The following CCDC9B variants were observed in gnomAD, a reference collection of about 807,000 sequenced individuals.
The protein encoded by CCDC9B is coiled-coil domain containing 9B, also known as coiled-coil domain-containing protein 9B.
Under a neutral mutation model 47.2 loss-of-function variants are expected in CCDC9B, and 40 were observed. That is an observed-to-expected ratio of 0.85 (90% confidence interval 0.66 to 1.10). The LOEUF is 1.10. Ranked by LOEUF, CCDC9B falls within the 50% of genes least tolerant of loss-of-function variation. The probability of loss-of-function intolerance (pLI) is 0.00; values close to 1 mark genes in which losing one functional copy is unlikely to be tolerated. For missense variants in CCDC9B, 662 were observed against 651.0 expected (o/e 1.02, Z -0.18); for synonymous variants, 238 against 250.7 (o/e 0.95, Z 0.48).
Position 40,332,670 on chromosome 15 carries a change from T to A in CCDC9B, c.*2488A>T, listed in dbSNP as rs962038267. ...CAGCTGTACAGTTGGCAGCACTGGG[T>A]TGGGGAGCAGACTGTGAATCTTATA... On this transcript the variant is annotated 3_prime_UTR_variant, in exon 11 of 11. Transcript: ENST00000397536. 5 of 152,126 alleles carry A rather than the reference T, an allele frequency of 3.3e-5. No individual in the cohort carries two copies. Among genetic ancestry groups the A allele is most frequent in the Non-Finnish European group, 7.3e-5 (5 of 68,028 alleles). The allele number at this position is 152,126 out of a possible 1,614,324, so 9.4% of individuals were successfully genotyped here.
At position 40,335,476 on chromosome 15, in the gene CCDC9B, G is replaced by A; in HGVS notation, c.1155C>T (p.Ile385=). 6.3e-7 allele frequency: 1 copy of A among 1,594,618 alleles called. No homozygotes were observed. The highest frequency in any genetic ancestry group is 8.6e-7 in the Non-Finnish European group (1 of 1,169,328). ...PLDLSLGGAG[I]PGPRESGCVL... ...CACACCCGCTCTCCCTGGGCCCAGG[G>A]ATGCCAGCCCCTCCTAGGGAGAGGT... Residue 385 remains isoleucine (I), a synonymous_variant, in exon 11 of 11, where the codon ATC becomes ATT. Transcript: ENST00000397536.
At chr15:40,338,999 C>T (rs1889029060) in intron 3 of CCDC9B, 96 bp from the exon 4 acceptor site, 2 of 1,356,048 alleles carry the variant, frequency 1.5e-6, no homozygotes, top group South Asian at 1.2e-5. Context: ...GTTCCAACCC[C>T]AGCCCTCCCT....
At chr15:40,337,950 G>C in intron 5 of CCDC9B, 57 bp from the exon 6 acceptor site, 1 of 1,528,850 alleles carries the variant, frequency 6.5e-7, no homozygotes, top group Non-Finnish European at 8.9e-7. Context: ...CTTGGGGTGG[G>C]GTTTGGAGAC....
intron 7 of CCDC9B, 98 bp downstream of exon 7, chr15:40,337,290 C>T: frequency 2.5e-6 from 3 of 1,185,866 alleles, no homozygotes; most frequent in Non-Finnish European, 3.8e-6. Context: ...CCTTTCAGCT[C>T]TGAAAATAAG....
chr15:40,339,744 T>A, intron 2 of CCDC9B, 125 bp from the exon 3 acceptor site: 1 of 1,483,416 alleles, frequency 6.7e-7, no homozygotes, highest in Non-Finnish European at 9.1e-7. Context: ...ACATCACACA[T>A]CCCCAGGACC....
Position 40,334,129 on chromosome 15 carries a change from CTGGTAG to C in CCDC9B, c.*1023_*1028del, listed in dbSNP as rs1888908035. On this transcript the variant is annotated 3_prime_UTR_variant, in exon 11 of 11. Transcript: ENST00000397536. ...TCTCCGTCGCCTACCGGCTGGATTA[CTGGTAG>C]TGGGTGCTCAGGAAATGTTTGTTGA... 1 of 152,708 alleles carries C rather than the reference CTGGTAG, an allele frequency of 6.5e-6. No homozygotes were observed. Among genetic ancestry groups the C allele is most frequent in the Non-Finnish European group, 1.5e-5 (1 of 68,108 alleles). The allele number at this position is 152,708 out of a possible 1,614,324, so 9.5% of individuals were successfully genotyped here. A position where few individuals can be genotyped will look rare whatever the true frequency, so the allele number is the denominator to read the frequency against.
At position 40,333,330 on chromosome 15, in the gene CCDC9B, G is replaced by A. The variant is rs897678993; in HGVS notation, c.*1828C>T. The A allele has an allele frequency of 1.3e-5, 2 of 152,084 alleles. No individual in the cohort carries two copies. The highest frequency in any genetic ancestry group is 4.8e-5 in the African/African-American group (2 of 41,374). 9.4% of individuals were successfully genotyped at this position (152,084 alleles called of 1,614,324 possible). ...TGCCTGTAATCCCAGCAGTTTAGGA[G>A]GCCAAGGCGAGCAGATTGCTTGAGC... is the stretch of plus-strand genomic sequence containing the variant. On this transcript the variant is annotated 3_prime_UTR_variant, in exon 11 of 11. Coordinates refer to ENST00000397536, the MANE Select transcript of CCDC9B (RefSeq NM_207380.3).
intron 7 of CCDC9B, 193 bp downstream of exon 7, chr15:40,337,195 G>A: frequency 1.4e-6 from 1 of 719,916 alleles, no homozygotes; most frequent in Non-Finnish European, 2.5e-6. Flanking sequence ...CTGGACAAGA[G>A]CTGTGGGCTC....
intron 3 of CCDC9B, 57 bp downstream of exon 3, chr15:40,339,455 C>A: frequency 6.3e-7 from 1 of 1,575,106 alleles, no homozygotes; most frequent in Non-Finnish European, 8.7e-7. Flanking sequence ...CTTTCCCCGA[C>A]ATGGTCTGGG....
chr15:40,339,149 A>G (rs1889033009), intron 3 of CCDC9B: 1 of 608,672 alleles, frequency 1.6e-6, no homozygotes, highest in Non-Finnish European at 2.9e-6. Flanking sequence ...AGAGCACTCA[A>G]ACAATGGGTC....
chr15:40,336,608 G>T lies in CCDC9B; in HGVS notation c.853C>A (p.Arg285=). ...SVAPATGSKA[R]GKERLTGRAR... Reference sequence around the variant, plus strand: ...CTGCCAGTCAGCCTCTCCTTGCCCCGGGCTTTGCTGCCTGTGGCTGGTGCC... The same window carrying T: ...CTGCCAGTCAGCCTCTCCTTGCCCCTGGCTTTGCTGCCTGTGGCTGGTGCC... The change falls in exon 9 of 11, where the codon CGG becomes AGG. Residue 285 remains arginine, a synonymous_variant. Transcript: ENST00000397536. The T allele has an allele frequency of 3.1e-6, 5 of 1,612,830 alleles. No homozygotes were observed. The highest frequency in any genetic ancestry group is 4.2e-6 in the Non-Finnish European group (5 of 1,179,670).
chr15:40,336,803 G>C lies in CCDC9B; in HGVS notation c.753C>G (p.Ser251Arg). 4 of 1,593,722 alleles carry C rather than the reference G, an allele frequency of 2.5e-6. No homozygotes were observed. The highest frequency in any genetic ancestry group is 1.7e-4 in the Middle Eastern group (1 of 5,968). The change falls in exon 8 of 11, where the codon AGC becomes AGG. Residue 251 changes from serine (S) to arginine (R), a missense_variant. Coordinates refer to ENST00000397536, the MANE Select transcript of CCDC9B (RefSeq NM_207380.3). ...ATGGTGGGGGCTGTAGTTTCTGGTG[G>C]CTCCTGGGACCTGCGGGGGACAAAA... ...ARAGSRRGPRSHQKLQPPPLL... is the reference protein window; with the variant it reads ...ARAGSRRGPRRHQKLQPPPLL...
rs372966989 is a variant in CCDC9B, at chr15:40,337,383, C to G, written c.742+5G>C. 11 of 1,612,078 alleles carry G rather than the reference C, an allele frequency of 6.8e-6. No individual in the cohort carries two copies. Among genetic ancestry groups the G allele is most frequent in the Non-Finnish European group, 9.3e-6 (11 of 1,178,852 alleles). ...AGGGGAGGGATGAGGTAGGTGTGGG[C>G]TCACCCCTTCTGCTGCCTGCCCTGG... On this transcript the variant is annotated splice_donor_5th_base_variant and intron_variant, in intron 7 of 10. Coordinates refer to ENST00000397536, the MANE Select transcript of CCDC9B (RefSeq NM_207380.3).
At position 40,337,452 on chromosome 15, in the gene CCDC9B, T is replaced by C. The variant is rs756189422; in HGVS notation, c.684-6A>G. On this transcript the variant is annotated splice_polypyrimidine_tract_variant and splice_region_variant and intron_variant, in intron 6 of 10. Transcript: ENST00000397536. ...GCTGGCTGCAGTCCTGTAGCCTGTG[T>C]AGACAGAGGGAGTCAGGTTGCTGGT... 1.9e-6 allele frequency: 3 copies of C among 1,557,380 alleles called. No homozygotes were observed. Among genetic ancestry groups the C allele is most frequent in the African/African-American group, 1.4e-5 (1 of 72,884 alleles).
Position 40,339,551 on chromosome 15 carries a change from C to G in CCDC9B, c.192G>C (p.Gln64His), listed in dbSNP as rs1889042162. Residue 64 changes from glutamine (Q) to histidine (H), a missense_variant, in exon 3 of 11, where the codon CAG becomes CAC. Gln to His is a conservative substitution (Grantham distance 24, BLOSUM62 0). Transcript: ENST00000397536. Reference sequence around the variant, plus strand: ...TGATGGTAACGGTGAGGCCATCAGGCTGGAGGAGTGCTGGTGTGGTCACAG... The same window carrying G: ...TGATGGTAACGGTGAGGCCATCAGGGTGGAGGAGTGCTGGTGTGGTCACAG... ...GMAVTTPALL[Q>H]PDGLTVTISQ... 6.2e-7 allele frequency: 1 copy of G among 1,612,706 alleles called. No homozygotes were observed. The highest frequency in any genetic ancestry group is 1.3e-5 in the African/African-American group (1 of 74,882).
In CCDC9B at chr15:40,337,157, C is replaced by T; in HGVS notation, c.742+231G>A. ...AGACCCCGGGCCGGCTTCCACTGAG[C>T]CTCCTTCTGGGGCCTTCTGCTCAGA... On this transcript the variant is annotated intron_variant, in intron 7 of 10. Coordinates refer to ENST00000397536, the MANE Select transcript of CCDC9B (RefSeq NM_207380.3). 4.6e-6 allele frequency: 3 copies of T among 658,216 alleles called. No individual in the cohort carries two copies. The East Asian group carries it at 8.1e-5, about 18-fold the overall frequency. 40.8% of individuals were successfully genotyped at this position (658,216 alleles called of 1,614,324 possible). A position where few individuals can be genotyped will look rare whatever the true frequency, so the allele number is the denominator to read the frequency against.
Position 40,337,743 on chromosome 15 carries a change from G to A in CCDC9B, c.664C>T (p.Leu222=), listed in dbSNP as rs371166181. 2 of 1,604,114 alleles carry A rather than the reference G, an allele frequency of 1.2e-6. No individual in the cohort carries two copies. The highest frequency in any genetic ancestry group is 1.7e-6 in the Non-Finnish European group (2 of 1,177,754). The change falls in exon 6 of 11, where the codon CTG becomes TTG. Residue 222 remains leucine (L), a synonymous_variant. Transcript: ENST00000397536. ...AQGDWRRPWD[L]DKAKSTLQDC... is the part of the protein sequence containing the mutation. ...ACCCACGTGGACTTGGCCTTGTCCAGGTCCCACGGGCGGCGCCAGTCACCC... is the reference window on the plus strand; with the variant it reads ...ACCCACGTGGACTTGGCCTTGTCCAAGTCCCACGGGCGGCGCCAGTCACCC...
chr15:40,339,676 A>G, intron 2 of CCDC9B, 57 bp from the exon 3 acceptor site: 1 of 1,604,318 alleles, frequency 6.2e-7, no homozygotes. Flanking sequence ...ACAGAGACAT[A>G]GATGCTGATA....
intron 3 of CCDC9B, chr15:40,339,308 A>C: frequency 3.4e-6 from 2 of 593,362 alleles, no homozygotes; most frequent in Non-Finnish European, 3.0e-6. Context: ...AAGGGTATGA[A>C]GATGCATCTA....
Sources: allele counts gnomAD v4.1 joint callset, GRCh38; gene constraint gnomAD v4.1.1; transcripts MANE v1.5; gene names NCBI Gene and HGNC (gene_info 2026-07-23, HGNC 2026-07-21).